FBXO3: variants seen among roughly 807,000 people sequenced by gnomAD.
FBXO3 encodes F-box protein 3.
Under a neutral mutation model 64.8 loss-of-function variants are expected in FBXO3, and 17 were observed. The observed-to-expected ratio is 0.26, with a 90% confidence interval of 0.18 to 0.39. FBXO3 has a LOEUF of 0.39. Among genes scored for constraint, FBXO3 ranks in the 10% least tolerant of loss-of-function variants. The pLI, the probability that FBXO3 is intolerant of heterozygous loss-of-function variation, is 1.00. For missense variants in FBXO3, 420 were observed against 589.9 expected (o/e 0.71, Z 2.98); for synonymous variants, 182 against 201.6 (o/e 0.90, Z 0.82).
chr11:33,744,415 C>T (rs1854763663), intron 10 of FBXO3: 1 of 152,136 alleles, frequency 6.6e-6, no homozygotes, highest in Non-Finnish European at 1.5e-5. Context: ...ACACACACAC[C>T]ACCTAGACCA....
At chr11:33,747,415 A>G (rs1159600962) in intron 9 of FBXO3, 95 bp from the exon 10 acceptor site, 17 of 958,546 alleles carry the variant, frequency 1.8e-5, no homozygotes, top group Non-Finnish European at 2.7e-5. Context: ...TGTAAACTAT[A>G]TAATAGTAAA....
intron 3 of FBXO3, among the ~76,000 whole-genome samples, chr11:33,766,967 G>C (rs537076517): frequency 1.5e-5 from 2 of 137,192 alleles, no homozygotes; most frequent in Admixed American, 7.6e-5. Flanking sequence ...AGGGAGCCTG[G>C]AACTACCAAA....
intron 7 of FBXO3, among the ~76,000 whole-genome samples, chr11:33,751,222 AT>A (rs1564987730): frequency 6.6e-6 from 1 of 152,214 alleles, no homozygotes; most frequent in East Asian, 1.9e-4. Flanking sequence ...CAGTTGCCAA[AT>A]AACTTTTTGG....
At chr11:33,757,955 CAA>C (rs1285714596) in intron 4 of FBXO3, among the ~76,000 whole-genome samples, 33 of 86,358 alleles carry the variant, frequency 3.8e-4, no homozygotes, top group Admixed American at 9.3e-4. Context: ...GACCCTGTCT[CAA>C]AAAAAAAAAA....
intron 2 of FBXO3, among the ~76,000 whole-genome samples, chr11:33,769,853 GGT>G (rs1491200024): frequency 2.7e-5 from 2 of 73,628 alleles, no homozygotes; most frequent in Non-Finnish European, 6.3e-5. Context: ...ACTCAGGGTG[GGT>G]TTTTTTTTTT....
chr11:33,764,743 A>G (rs1490082216), intron 3 of FBXO3, among the ~76,000 whole-genome samples: 1 of 152,118 alleles, frequency 6.6e-6, no homozygotes, highest in Non-Finnish European at 1.5e-5. Context: ...GGAGGCCTAC[A>G]CGGGCAGATC....
chr11:33,749,965 CTTATATA>C (rs1463962553), intron 8 of FBXO3, among the ~76,000 whole-genome samples: 1 of 151,650 alleles, frequency 6.6e-6, no homozygotes, highest in Non-Finnish European at 1.5e-5. Flanking sequence ...TTAAAATATA[CTTATATA>C]TTACATAAAA....
chr11:33,774,288 T>C, intron 1 of FBXO3, 106 bp downstream of exon 1: 1 of 972,600 alleles, frequency 1.0e-6, no homozygotes, highest in Non-Finnish European at 1.5e-6. Flanking sequence ...CACCTTCTGG[T>C]GTCGCGGAAG....
intron 10 of FBXO3, chr11:33,744,982 A>G (rs1262072804): frequency 6.6e-6 from 1 of 152,152 alleles, no homozygotes; most frequent in Non-Finnish European, 1.5e-5. Context: ...CACCCACCCT[A>G]ACAAACATTA....
chr11:33,758,858 G>T (rs1299332826), intron 3 of FBXO3, among the ~76,000 whole-genome samples: 1 of 151,774 alleles, frequency 6.6e-6, no homozygotes, highest in Non-Finnish European at 1.5e-5. Context: ...CCACAATAAT[G>T]TTTTCACATT....
intron 4 of FBXO3, chr11:33,757,101 C>A (rs1020915349): frequency 1.2e-5 from 6 of 517,254 alleles, no homozygotes; most frequent in Non-Finnish European, 2.3e-5. Flanking sequence ...ACTCATTCAA[C>A]CCTCATCTGA....
In FBXO3 at chr11:33,755,805, C is replaced by T. The variant is rs1255681610; in HGVS notation, c.644G>A (p.Gly215Asp). 6 of 1,614,056 alleles carry T rather than the reference C, an allele frequency of 3.7e-6. 1 individual carries two copies. Among genetic ancestry groups the T allele is most frequent in the South Asian group, 2.2e-5 (2 of 91,070 alleles). Reference sequence around the variant, plus strand: ...GTAGAAAACTTCATTTTTGTTTCGGCCCTCTGCAGCTTCCACTGCTATGTA... The same window carrying T: ...GTAGAAAACTTCATTTTTGTTTCGGTCCTCTGCAGCTTCCACTGCTATGTA... ...SQYIAVEAAE[G>D]RNKNEVFYQC... The change falls in exon 5 of 11, where the codon GGC becomes GAC. Residue 215 changes from glycine (G) to aspartate (D), a missense_variant. This residue lies in a region of FBXO3 where 337 missense variants were observed against 518.4 expected (regional missense o/e 0.65). Transcript: ENST00000265651.
intron 1 of FBXO3, chr11:33,771,988 A>C (rs1332634939): frequency 6.6e-6 from 1 of 152,242 alleles, no homozygotes; most frequent in Non-Finnish European, 1.5e-5. Flanking sequence ...TCTGTACCTC[A>C]GGCATCTGTA....
At chr11:33,773,553 A>C (rs764017639) in intron 1 of FBXO3, 2 of 152,236 alleles carry the variant, frequency 1.3e-5, no homozygotes, top group Non-Finnish European at 2.9e-5. Flanking sequence ...CAGGAAACTC[A>C]CAGCCATGCC....
intron 5 of FBXO3, 24 bp from the exon 6 acceptor site, chr11:33,754,524 C>T (rs765337301): frequency 1.3e-6 from 2 of 1,541,936 alleles, no homozygotes; most frequent in Non-Finnish European, 1.7e-6. Flanking sequence ...AGAATACAAT[C>T]GATAAAAACA....
In FBXO3 at chr11:33,750,545, C is replaced by A; in HGVS notation, c.926G>T (p.Arg309Leu). Reference protein sequence around the residue: ...VHPPHYFFTYRIRIEMSKDAL... With the variant: ...VHPPHYFFTYLIRIEMSKDAL... ...CCCCATTTAAAATTCTCACCTGATTCGGTATGTGAAGAAATAGTGGGGTGG... is the reference window on the plus strand; with the variant it reads ...CCCCATTTAAAATTCTCACCTGATTAGGTATGTGAAGAAATAGTGGGGTGG... Residue 309 changes from arginine (R) to leucine (L), a missense_variant, in exon 8 of 11, where the codon CGA (arginine) becomes CTA (leucine). Physicochemically the swap from Arg to Leu is moderately radical, Grantham distance 102. Coordinates refer to ENST00000265651, the MANE Select transcript of FBXO3 (RefSeq NM_012175.4). 6.2e-7 allele frequency: 1 copy of A among 1,613,464 alleles called. No individual in the cohort carries two copies.
intron 10 of FBXO3, chr11:33,745,159 C>T (rs1247588299): frequency 6.6e-6 from 1 of 151,982 alleles, no homozygotes; most frequent in African/African-American, 2.4e-5. Context: ...ACATAATAAT[C>T]CTTAGCATAT....
rs753573592 is a variant in FBXO3 at position 33,747,141 on chromosome 11, T to C, written c.1228A>G (p.Ile410Val). 1.2e-5 allele frequency: 19 copies of C among 1,611,484 alleles called. No individual in the cohort carries two copies. The Admixed American group carries it at 1.5e-4, about 13-fold the overall frequency. ...AAAATTTAACTTACCAATCGGGCTA[T>C]AGACACCCTGAATGTTGGACATGCC... ...HMACPTFRVS[I>V]ARLEMGPDEY... Residue 410 changes from isoleucine to valine, a missense_variant, in exon 10 of 11, where the codon ATA (isoleucine) becomes GTA (valine). Ile to Val is a conservative substitution (Grantham distance 29). This residue lies in a region of FBXO3 where 337 missense variants were observed against 518.4 expected (regional missense o/e 0.65). Coordinates refer to ENST00000265651, the MANE Select transcript of FBXO3 (RefSeq NM_012175.4).
chr11:33,742,364 T>C (rs1854707898), intron 10 of FBXO3: 7 of 208,256 alleles, frequency 3.4e-5, no homozygotes, highest in Non-Finnish European at 6.8e-5. Flanking sequence ...AGACGAGTTC[T>C]TGCTGTGTTG....
Sources: allele counts gnomAD v4.1 joint callset (sites outside exome capture counted in the v4.1 genomes callset), GRCh38; gene constraint gnomAD v4.1.1; regional missense constraint gnomAD v4.1.1; transcripts MANE v1.5; gene names NCBI Gene and HGNC (gene_info 2026-07-23, HGNC 2026-07-21).